The following PAPSS2 variants were observed in gnomAD, a reference collection of about 807,000 sequenced individuals.
PAPSS2 encodes the protein bifunctional 3'-phosphoadenosine 5'-phosphosulfate synthase 2.
A neutral mutation model predicts 66.5 loss-of-function variants in PAPSS2; 61 were observed. The observed-to-expected ratio is 0.92, with a 90% confidence interval of 0.75 to 1.14. The LOEUF is 1.14. Ranked by LOEUF, PAPSS2 falls within the 50% of genes most tolerant of loss-of-function variation. The pLI is 0.00. For synonymous variants in PAPSS2, 289 were observed against 287.5 expected, an observed-to-expected ratio of 1.01 and a Z score of -0.05; for missense variants, 708 against 789.6, an observed-to-expected ratio of 0.90 and a Z score of 1.24.
chr10:87,683,548 C>T (rs1306592513), intron 1 of PAPSS2, among the ~76,000 whole-genome samples: 1 of 152,182 alleles, frequency 6.6e-6, no homozygotes, highest in Non-Finnish European at 1.5e-5. Flanking sequence ...CATTCACGTG[C>T]AGGGTTCCTA....
intron 1 of PAPSS2, among the ~76,000 whole-genome samples, chr10:87,680,421 C>A (rs1465525745): frequency 6.6e-6 from 1 of 152,114 alleles, no homozygotes; most frequent in African/African-American, 2.4e-5. Flanking sequence ...AACAAGCTTT[C>A]ATTCATCAAT....
intron 1 of PAPSS2, among the ~76,000 whole-genome samples, chr10:87,707,092 A>G (rs1211500297): frequency 2.6e-5 from 4 of 152,160 alleles, no homozygotes; most frequent in Admixed American, 2.6e-4. Flanking sequence ...TTCCCTAACC[A>G]TTGGCCCCTC....
intron 1 of PAPSS2, among the ~76,000 whole-genome samples, chr10:87,673,514 A>G: frequency 6.6e-6 from 1 of 151,692 alleles, no homozygotes; most frequent in East Asian, 1.9e-4. Flanking sequence ...ATTTCTGTCT[A>G]GTTTTACTAC....
At chr10:87,704,742 A>G (rs1853361397) in intron 1 of PAPSS2, among the ~76,000 whole-genome samples, 1 of 152,098 alleles carries the variant, frequency 6.6e-6, no homozygotes, top group African/African-American at 2.4e-5. Context: ...CCTGGGTTCA[A>G]GTGATTCTCC....
chr10:87,737,587 C>T (rs570804358), intron 9 of PAPSS2, among the ~76,000 whole-genome samples: 3 of 151,920 alleles, frequency 2.0e-5, no homozygotes, highest in South Asian at 2.1e-4. Context: ...TTTGGAAGGC[C>T]GAAGTTGGAG....
At chr10:87,700,606 CAG>C (rs1853290777) in intron 1 of PAPSS2, among the ~76,000 whole-genome samples, 1 of 148,632 alleles carries the variant, frequency 6.7e-6, no homozygotes, top group African/African-American at 2.5e-5. Flanking sequence ...GGCAGTGAGC[CAG>C]GATCACACCA....
At chr10:87,689,279 G>A (rs1357723700) in intron 1 of PAPSS2, among the ~76,000 whole-genome samples, 6 of 116,680 alleles carry the variant, frequency 5.1e-5, no homozygotes, top group Non-Finnish European at 1.2e-4. Flanking sequence ...GGCAGAGGTT[G>A]TGGTGAGCCG....
At chr10:87,663,434 A>G (rs761627582) in intron 1 of PAPSS2, among the ~76,000 whole-genome samples, 4 of 152,126 alleles carry the variant, frequency 2.6e-5, no homozygotes, top group East Asian at 1.9e-4. Flanking sequence ...TTTTAAAACT[A>G]TATAAAGACA....
intron 1 of PAPSS2, among the ~76,000 whole-genome samples, chr10:87,706,108 A>ATATATATATG: frequency 3.8e-5 from 2 of 52,022 alleles, no homozygotes; most frequent in East Asian, 4.2e-4. Context: ...ATATATATAT[A>ATATATATATG]TGTGTGTGTG....
intron 8 of PAPSS2, among the ~76,000 whole-genome samples, chr10:87,726,486 T>C (rs1362295007): frequency 2.0e-5 from 3 of 152,210 alleles, no homozygotes; most frequent in East Asian, 1.9e-4. Context: ...AAGAGGATAA[T>C]TGGATTTTTG....
intron 1 of PAPSS2, among the ~76,000 whole-genome samples, chr10:87,664,355 C>T (rs771316871): frequency 6.6e-6 from 1 of 152,096 alleles, no homozygotes; most frequent in Non-Finnish European, 1.5e-5. Flanking sequence ...GAGTTTTTGC[C>T]AACAACTTTG....
intron 1 of PAPSS2, 63 bp downstream of exon 1, chr10:87,660,071 C>A: frequency 6.5e-7 from 1 of 1,546,358 alleles, no homozygotes; most frequent in Non-Finnish European, 8.8e-7. Flanking sequence ...CCCCCAACCC[C>A]CAATTCCCCG....
chr10:87,664,555 C>G (rs1852792221), intron 1 of PAPSS2, among the ~76,000 whole-genome samples: 1 of 152,238 alleles, frequency 6.6e-6, no homozygotes, highest in East Asian at 1.9e-4. Context: ...AGTTATATGT[C>G]TCTTTGAGAT....
Position 87,720,933 on chromosome 10 carries a change from T to G in PAPSS2, c.866-823T>G, listed in dbSNP as rs117728985. ...TGATCATAAATGTCACATTTAAATTTAAAAATGCAACCTCAAGCTTGTGTT... is the reference window on the plus strand; with the variant it reads ...TGATCATAAATGTCACATTTAAATTGAAAAATGCAACCTCAAGCTTGTGTT... On this transcript the variant is annotated intron_variant, in intron 7 of 12. Transcript: ENST00000456849. Among the ~76,000 whole-genome samples the G allele has an allele frequency of 3.0e-4, 46 of 152,304 alleles. No individual in the cohort carries two copies. The East Asian group carries it at 7.7e-3, about 26-fold the overall frequency.
chr10:87,711,017 AAAATT>A (rs1291096269), intron 2 of PAPSS2, among the ~76,000 whole-genome samples: 4 of 152,194 alleles, frequency 2.6e-5, no homozygotes, highest in East Asian at 3.8e-4. Flanking sequence ...ATAAAAATAA[AAAATT>A]AAATTAAATT....
At chr10:87,695,884 AG>A (rs1202544842) in intron 1 of PAPSS2, among the ~76,000 whole-genome samples, 12 of 152,310 alleles carry the variant, frequency 7.9e-5, no homozygotes, top group African/African-American at 2.6e-4. Context: ...TTCCATAAGG[AG>A]ATGCTTTTTA....
chr10:87,715,496 T>C (rs1853521611), intron 6 of PAPSS2, among the ~76,000 whole-genome samples: 1 of 152,216 alleles, frequency 6.6e-6, no homozygotes, highest in African/African-American at 2.4e-5. Context: ...AACCTAAAAA[T>C]GTTCAAATAA....
Position 87,682,939 on chromosome 10 carries a change from G to A in PAPSS2, c.27+22931G>A, listed in dbSNP as rs1317366749. 3.9e-5 allele frequency among the ~76,000 whole-genome samples: 6 copies of A among 152,148 alleles called. No individual in the cohort carries two copies. In the South Asian group the frequency reaches 6.2e-4, roughly 16 times the overall value. On this transcript the variant is annotated intron_variant, in intron 1 of 12. Transcript: ENST00000456849. ...GGAGGTTTTAAGTGGGAGATGCTGCGCGTGCTTTCCCCATAAATTCTGAGG... is the reference window on the plus strand; with the variant it reads ...GGAGGTTTTAAGTGGGAGATGCTGCACGTGCTTTCCCCATAAATTCTGAGG...
At chr10:87,719,380 A>G (rs1453205996) in intron 7 of PAPSS2, among the ~76,000 whole-genome samples, 3 of 152,132 alleles carry the variant, frequency 2.0e-5, no homozygotes, top group Non-Finnish European at 4.4e-5. Context: ...ACCTCATTGG[A>G]TGTTGAAAGT....
Sources: gnomAD v4.1 joint callset for allele counts (sites outside exome capture counted in the v4.1 genomes callset) on GRCh38, gnomAD v4.1.1 for gene constraint, MANE v1.5 for transcripts, NCBI Gene and HGNC (gene_info 2026-07-23, HGNC 2026-07-21) for gene names.